The following DGCR2 variants were observed in gnomAD, a reference collection of about 807,000 sequenced individuals.
DGCR2 encodes the protein integral membrane protein DGCR2/IDD.
DGCR2 carries 24 observed loss-of-function variants against 51.6 expected under a neutral mutation model. The ratio of observed to expected loss-of-function variants is 0.47; its 90% CI spans 0.34 to 0.65. The LOEUF (loss-of-function observed/expected upper bound fraction) is 0.65. DGCR2 is among the 30% of genes least tolerant of loss of function. The pLI, the probability that DGCR2 is intolerant of heterozygous loss-of-function variation, is 0.01. For missense variants in DGCR2, 765 were observed against 772.1 expected (o/e 0.99, Z 0.11); for synonymous variants, 340 against 315.4 (o/e 1.08, Z -0.82).
In DGCR2 at chr22:19,057,970, C is replaced by T. The variant is rs986891682; in HGVS notation, c.626-808G>A. ...CTGCCAAGATTCCTTGAGGCTTACC[C>T]GACCAGGATCAATGGAAACACAAAG... On this transcript the variant is annotated intron_variant, in intron 5 of 9. Coordinates refer to ENST00000263196, the MANE Select transcript of DGCR2 (RefSeq NM_005137.3). This position sits in a 1 kb window ranked among gnomAD's most constrained non-coding sequence, Gnocchi z 5.1. 3.9e-5 allele frequency among the ~76,000 whole-genome samples: 6 copies of T among 152,176 alleles called. No homozygotes were observed. Among genetic ancestry groups the T allele is most frequent in the South Asian group, 4.1e-4 (2 of 4,830 alleles).
At chr22:19,047,559 A>G (rs17810649) in intron 7 of DGCR2, 26,973 of 152,168 alleles carry the variant, frequency 0.18, 2,556 homozygotes, top group South Asian at 0.29. Context: ...TTCTCTTGAG[A>G]TCTGAATTCA....
At chr22:19,060,232 C>G (rs1164847846) in intron 5 of DGCR2, among the ~76,000 whole-genome samples, 2 of 152,248 alleles carry the variant, frequency 1.3e-5, no homozygotes, top group Non-Finnish European at 2.9e-5. Flanking sequence ...CTTCTAAACG[C>G]TAGGTCCCAC....
intron 7 of DGCR2, among the ~76,000 whole-genome samples, chr22:19,044,079 C>G (rs989507464): frequency 6.6e-6 from 1 of 152,222 alleles, no homozygotes; most frequent in Non-Finnish European, 1.5e-5. Context: ...AAAGCAGCCC[C>G]TTTGCAATGA....
At chr22:19,077,747 T>C (rs539186191) in intron 2 of DGCR2, among the ~76,000 whole-genome samples, 6 of 152,324 alleles carry the variant, frequency 3.9e-5, no homozygotes, top group African/African-American at 1.4e-4. Context: ...TTAATAGGGA[T>C]TGAATCTGTA....
At chr22:19,106,546 G>A (rs995820471) in intron 1 of DGCR2, among the ~76,000 whole-genome samples, 2 of 152,154 alleles carry the variant, frequency 1.3e-5, no homozygotes, top group South Asian at 2.1e-4. Context: ...GAGGCCAGCC[G>A]GCTCCTCACC....
intron 6 of DGCR2, among the ~76,000 whole-genome samples, chr22:19,053,052 C>T (rs2082566175): frequency 1.3e-5 from 2 of 152,338 alleles, no homozygotes; most frequent in South Asian, 4.1e-4. Context: ...ACTGGAAACC[C>T]ACCAGGGAAA....
At chr22:19,090,780 T>C (rs981965645) in intron 1 of DGCR2, among the ~76,000 whole-genome samples, 1 of 145,146 alleles carries the variant, frequency 6.9e-6, no homozygotes, top group Non-Finnish European at 1.5e-5. Context: ...TAAGCCAACA[T>C]AGAAGAGAAT....
chr22:19,059,877 G>A (rs1369413129), intron 5 of DGCR2, among the ~76,000 whole-genome samples: 1 of 152,130 alleles, frequency 6.6e-6, no homozygotes. Flanking sequence ...GCCGAGCCTG[G>A]AGAACCCTCC....
intron 5 of DGCR2, among the ~76,000 whole-genome samples, chr22:19,059,534 G>A (rs111891748): frequency 0.011 from 1,675 of 152,168 alleles, 18 homozygotes; most frequent in Non-Finnish European, 0.016. Context: ...GAGCTGCCCT[G>A]GCTACCAGAG....
At chr22:19,052,940 T>A (rs1026967874) in intron 6 of DGCR2, among the ~76,000 whole-genome samples, 2 of 152,214 alleles carry the variant, frequency 1.3e-5, no homozygotes, top group East Asian at 1.9e-4. Flanking sequence ...AGACCACATA[T>A]GACCAAAGGC....
intron 5 of DGCR2, chr22:19,060,954 A>G (rs1020181097): frequency 2.2e-6 from 1 of 454,302 alleles, no homozygotes; most frequent in East Asian, 6.1e-5. Context: ...TCACACCCCA[A>G]TCTGGAACAT....
At chr22:19,068,022 A>C (rs768737633) in intron 3 of DGCR2, 78 bp downstream of exon 3, 167 of 1,466,820 alleles carry the variant, frequency 1.1e-4, no homozygotes, top group Middle Eastern at 1.0e-3. Flanking sequence ...CTCACGCAGC[A>C]CAGTAGTGCT....
At chr22:19,062,780 C>CATTCTCTCATTCTCTCATATTT (rs1569052815) in intron 5 of DGCR2, among the ~76,000 whole-genome samples, 1 of 58,032 alleles carries the variant, frequency 1.7e-5, no homozygotes, top group Non-Finnish European at 3.0e-5. Flanking sequence ...TGCATGCTCA[C>CATTCTCTCATTCTCTCATATTT]TCTCTCTCTC....
At chr22:19,103,824 T>C (rs2083233146) in intron 1 of DGCR2, among the ~76,000 whole-genome samples, 1 of 139,774 alleles carries the variant, frequency 7.2e-6, no homozygotes, top group Non-Finnish European at 1.5e-5. Flanking sequence ...GGTGGGAGGG[T>C]CACTTGAGTC....
chr22:19,059,243 G>GGGGCTGGGGCCAGGAGACC (rs1325682288), intron 5 of DGCR2, among the ~76,000 whole-genome samples: 1 of 152,282 alleles, frequency 6.6e-6, no homozygotes, highest in East Asian at 1.9e-4. Flanking sequence ...GAGGAGCGGT[G>GGGGCTGGGGCCAGGAGACC]GGGCTGGGGC....
rs1462456496 is a variant in DGCR2, at chr22:19,038,777, G to A, written c.*88C>T. 2.1e-5 allele frequency: 33 copies of A among 1,535,818 alleles called. No individual in the cohort carries two copies. The highest frequency in any genetic ancestry group is 4.1e-5 in the African/African-American group (3 of 73,264). ...GCGGCAGTGCGTGGCGTCCAGGCTGGGACAGGGGCCTTTCAAGTCTCCCCA... is the reference window on the plus strand; with the variant it reads ...GCGGCAGTGCGTGGCGTCCAGGCTGAGACAGGGGCCTTTCAAGTCTCCCCA... On this transcript the variant is annotated 3_prime_UTR_variant, in exon 10 of 10. Transcript: ENST00000263196.
intron 6 of DGCR2, chr22:19,056,379 C>A: frequency 2.6e-6 from 1 of 385,570 alleles, no homozygotes; most frequent in Non-Finnish European, 4.8e-6. Context: ...GGCAACATCA[C>A]ACACATGATC....
chr22:19,096,848 G>A (rs1353525184), intron 1 of DGCR2, among the ~76,000 whole-genome samples: 1 of 146,710 alleles, frequency 6.8e-6, no homozygotes, highest in Non-Finnish European at 1.5e-5. Flanking sequence ...GAGCTACCCC[G>A]CCCAGCAGAA....
chr22:19,046,765 A>C, intron 7 of DGCR2: 1 of 446,604 alleles, frequency 2.2e-6, no homozygotes, highest in Non-Finnish European at 4.5e-6. Flanking sequence ...CTGGCCGTGC[A>C]GGAGAGAGGG....
Sources: gnomAD v4.1 joint callset for allele counts (sites outside exome capture counted in the v4.1 genomes callset) on GRCh38, gnomAD v4.1.1 for gene constraint, Gnocchi (gnomAD v3.1) non-coding constraint, MANE v1.5 for transcripts, NCBI Gene and HGNC (gene_info 2026-07-23, HGNC 2026-07-21) for gene names.